Variants in LRFN5 observed in about 807,000 individuals in gnomAD.
The protein encoded by LRFN5 is leucine rich repeat and fibronectin type III domain containing 5.
A neutral mutation model predicts 45.6 loss-of-function variants in LRFN5; 24 were observed. The observed-to-expected ratio is 0.53, with a 90% CI of 0.38 to 0.74. LRFN5 has a LOEUF of 0.74. Among genes scored for constraint, LRFN5 ranks in the 30% least tolerant of loss-of-function variants. The pLI, the probability that LRFN5 is intolerant of heterozygous loss-of-function variation, is 0.00. For synonymous variants in LRFN5, 340 were observed against 313.8 expected (o/e 1.08, Z -0.88); for missense variants, 776 against 861.5 (o/e 0.90, Z 1.24).
intron 1 of LRFN5, among the ~76,000 whole-genome samples, chr14:41,634,000 T>C (rs1311281439): frequency 6.6e-6 from 1 of 152,170 alleles, no homozygotes. Flanking sequence ...TTCAAAATTA[T>C]CAGTTCTAAT....
rs189405210 is a variant in LRFN5 at position 41,800,613 on chromosome 14, A to G, written c.-21+33584A>G. Among the ~76,000 whole-genome samples the G allele has an allele frequency of 1.6e-3, 237 of 152,024 alleles. 1 individual carries two copies. The highest frequency in any genetic ancestry group is 5.6e-3 in the African/African-American group (231 of 41,578). On this transcript the variant is annotated intron_variant, in intron 2 of 5. Transcript: ENST00000298119. ...TTTAATATGAATTCAGCTGTACTCT[A>G]TATAAATATGAGATACAAACTAAAG...
At position 41,887,513 on chromosome 14, in the gene LRFN5, G is replaced by A. The variant is rs1890617137; in HGVS notation, c.888G>A (p.Met296Ile). The A allele has an allele frequency of 6.2e-7, 1 of 1,614,182 alleles. No homozygotes were observed. Among genetic ancestry groups the A allele is most frequent in the Non-Finnish European group, 8.5e-7 (1 of 1,180,026 alleles). The change falls in exon 3 of 6, where the codon ATG (methionine) becomes ATA (isoleucine). Residue 296 changes from methionine (M) to isoleucine (I), a missense_variant. Met to Ile is a conservative substitution (Grantham distance 10). Transcript: ENST00000298119. This position sits in a 1 kb window ranked among gnomAD's most constrained non-coding sequence, Gnocchi z 4.8. Reference protein sequence around the residue: ...PPLITRHTHEMRVLEGQRATL... With the variant: ...PPLITRHTHEIRVLEGQRATL... The stretch of plus-strand genomic sequence containing the variant: ...TCATTACTCGTCATACACATGAGAT[G>A]AGAGTCCTGGAGGGACAAAGGGCAA...
chr14:41,701,312 AT>A (rs1210826109), intron 1 of LRFN5: 3 of 152,192 alleles, frequency 2.0e-5, no homozygotes, highest in Non-Finnish European at 4.4e-5. Context: ...TACATACATT[AT>A]TTTTTAGTCC....
intron 1 of LRFN5, among the ~76,000 whole-genome samples, chr14:41,631,620 G>A (rs905145240): frequency 2.0e-5 from 3 of 152,276 alleles, no homozygotes; most frequent in East Asian, 3.9e-4. Flanking sequence ...ATTTGAGAGG[G>A]AGGGCTGATA....
intron 1 of LRFN5, among the ~76,000 whole-genome samples, chr14:41,743,946 T>C (rs986147795): frequency 3.9e-5 from 6 of 152,194 alleles, no homozygotes; most frequent in Admixed American, 3.3e-4. Context: ...GGAGTAGAGA[T>C]GTTGTACATT....
intron 1 of LRFN5, among the ~76,000 whole-genome samples, chr14:41,626,067 A>G (rs1888320762): frequency 6.6e-6 from 1 of 152,056 alleles, no homozygotes; most frequent in Non-Finnish European, 1.5e-5. Flanking sequence ...AGTACTTTCT[A>G]GGGTGGGAGG....
At chr14:41,651,716 A>G (rs1052948583) in intron 1 of LRFN5, among the ~76,000 whole-genome samples, 1 of 152,194 alleles carries the variant, frequency 6.6e-6, no homozygotes, top group Admixed American at 6.5e-5. Flanking sequence ...TAAGCAAAGC[A>G]TACTATATTG....
intron 1 of LRFN5, among the ~76,000 whole-genome samples, chr14:41,761,523 G>A (rs115597661): frequency 7.9e-5 from 12 of 152,170 alleles, no homozygotes; most frequent in African/African-American, 2.9e-4. Context: ...AAACCACTAA[G>A]AGCGACAATA....
chr14:41,620,814 A>G (rs1334315349), intron 1 of LRFN5, among the ~76,000 whole-genome samples: 4 of 151,932 alleles, frequency 2.6e-5, no homozygotes, highest in East Asian at 1.9e-4. Flanking sequence ...TTTTGAAAAC[A>G]TGGAATAAAT....
At chr14:41,718,826 A>G (rs1883596904) in intron 1 of LRFN5, among the ~76,000 whole-genome samples, 1 of 152,192 alleles carries the variant, frequency 6.6e-6, no homozygotes, top group African/African-American at 2.4e-5. Flanking sequence ...GGTGATAGGT[A>G]CTGCTTTATA....
chr14:41,892,006 C>G, intron 4 of LRFN5, 44 bp downstream of exon 4: 1 of 1,590,216 alleles, frequency 6.3e-7, no homozygotes. Context: ...GAGCAAGGCA[C>G]AAGTACTCCC....
intron 2 of LRFN5, among the ~76,000 whole-genome samples, chr14:41,777,614 T>A (rs191435295): frequency 6.6e-6 from 1 of 152,002 alleles, no homozygotes. Flanking sequence ...TTCCTTATAT[T>A]ATTTTTTCAT....
intron 1 of LRFN5, among the ~76,000 whole-genome samples, chr14:41,678,438 G>A (rs1424148159): frequency 2.0e-5 from 3 of 152,046 alleles, no homozygotes; most frequent in African/African-American, 7.3e-5. Flanking sequence ...AGACAATTCA[G>A]CAATAATAGT....
chr14:41,706,865 A>G (rs957840581), intron 1 of LRFN5, among the ~76,000 whole-genome samples: 3 of 152,200 alleles, frequency 2.0e-5, no homozygotes, highest in Non-Finnish European at 4.4e-5. Flanking sequence ...AGCAGTGCCT[A>G]TAATGGTGGC....
chr14:41,892,382 C>T, intron 4 of LRFN5: 1 of 984,958 alleles, frequency 1.0e-6, no homozygotes. Flanking sequence ...AGGGAAAAAG[C>T]ATGACATAGC....
chr14:41,634,950 A>AATT (rs1879222719), intron 1 of LRFN5, among the ~76,000 whole-genome samples: 1 of 152,092 alleles, frequency 6.6e-6, no homozygotes, highest in Non-Finnish European at 1.5e-5. Context: ...TATGTAATGA[A>AATT]ACATAATTAC....
chr14:41,868,859 G>C (rs1207118969), intron 2 of LRFN5, among the ~76,000 whole-genome samples: 1 of 152,116 alleles, frequency 6.6e-6, no homozygotes, highest in Non-Finnish European at 1.5e-5. Context: ...CTGCTTTTCG[G>C]TGTAGAAATT....
intron 2 of LRFN5, among the ~76,000 whole-genome samples, chr14:41,784,944 T>C (rs186566931): frequency 6.6e-6 from 1 of 152,206 alleles, no homozygotes; most frequent in Admixed American, 6.5e-5. Context: ...GCCTCTTTAA[T>C]TGTTAAATGT....
intron 1 of LRFN5, among the ~76,000 whole-genome samples, chr14:41,729,658 A>G (rs1467615691): frequency 6.6e-6 from 1 of 152,080 alleles, no homozygotes; most frequent in African/African-American, 2.4e-5. Context: ...TAATTCTTGC[A>G]TATATTTTGA....
Sources: gnomAD v4.1 joint callset for allele counts (sites outside exome capture counted in the v4.1 genomes callset) on GRCh38, gnomAD v4.1.1 for gene constraint, Gnocchi (gnomAD v3.1) non-coding constraint, MANE v1.5 for transcripts, NCBI Gene and HGNC (gene_info 2026-07-23, HGNC 2026-07-21) for gene names.